THSD4: variants seen among roughly 807,000 people sequenced by gnomAD.
THSD4 encodes the protein thrombospondin type 1 domain containing 4, also known as thrombospondin type-1 domain-containing protein 4.
A neutral mutation model predicts 119.0 loss-of-function variants in THSD4; 69 were observed. The observed-to-expected ratio is 0.58, with a 90% confidence interval of 0.48 to 0.71. The LOEUF (loss-of-function observed/expected upper bound fraction) is 0.71, where lower values mean the gene tolerates loss of function less well. Among genes scored for constraint, THSD4 ranks in the 30% least tolerant of loss-of-function variants. The pLI is 0.00. For synonymous variants in THSD4, 524 were observed against 540.4 expected, an observed-to-expected ratio of 0.97 and a Z score of 0.42; for missense variants, 1,393 against 1,391.1, an observed-to-expected ratio of 1.00 and a Z score of -0.02.
At chr15:71,484,541 C>T (rs2047785448) in intron 7 of THSD4, among the ~76,000 whole-genome samples, 1 of 152,212 alleles carries the variant, frequency 6.6e-6, no homozygotes, top group Non-Finnish European at 1.5e-5. Context: ...CGTTATCAAC[C>T]TAAGCTCCTC....
chr15:71,682,173 T>C (rs908230051), intron 8 of THSD4, among the ~76,000 whole-genome samples: 2 of 152,238 alleles, frequency 1.3e-5, no homozygotes, highest in Non-Finnish European at 2.9e-5. Flanking sequence ...TTATCCCCTC[T>C]TCTCAAAGCA....
At chr15:71,522,996 A>C (rs2048464542) in intron 7 of THSD4, among the ~76,000 whole-genome samples, 1 of 152,176 alleles carries the variant, frequency 6.6e-6, no homozygotes, top group African/African-American at 2.4e-5. Flanking sequence ...CACCACAGTG[A>C]GGGTCCTGCT....
At position 71,258,243 on chromosome 15, in the gene THSD4, A is replaced by G. The variant is rs2044343608; in HGVS notation, c.1015+1528A>G. Among the ~76,000 whole-genome samples, 3 of 152,060 alleles carry G rather than the reference A, an allele frequency of 2.0e-5. No individual in the cohort carries two copies. The South Asian group carries it at 6.2e-4, about 32-fold the overall frequency. ...GCCCAGGCTGGAGTGCGGTGGCGTG[A>G]TCTCAGCTCACTGCAACCTCTGCCT... is the stretch of plus-strand genomic sequence containing the variant. On this transcript the variant is annotated intron_variant, in intron 6 of 17. Coordinates refer to ENST00000261862, the MANE Select transcript of THSD4 (RefSeq NM_024817.3).
intron 7 of THSD4, among the ~76,000 whole-genome samples, chr15:71,435,675 G>A (rs1225086268): frequency 6.6e-6 from 1 of 152,200 alleles, no homozygotes; most frequent in Non-Finnish European, 1.5e-5. Flanking sequence ...TAAGATAGCA[G>A]ATCTCTGTTG....
At chr15:71,324,504 G>A (rs111360905) in intron 6 of THSD4, among the ~76,000 whole-genome samples, 2,094 of 152,132 alleles carry the variant, frequency 0.014, 16 homozygotes, top group Middle Eastern at 0.024. Flanking sequence ...ATATCACTCT[G>A]TATGCCTTTG....
rs1248889388 is a variant in THSD4, at chr15:71,547,348, G to T, written c.1153-113182G>T. ...GGAATCCCGAGACACAAGTGCATCT[G>T]CTAGCTGTTAGCACTTGGCAGACGG... On this transcript the variant is annotated intron_variant, in intron 7 of 17. Coordinates refer to ENST00000261862, the MANE Select transcript of THSD4 (RefSeq NM_024817.3). 2.6e-6 allele frequency: 4 copies of T among 1,546,436 alleles called. No homozygotes were observed. In the Admixed American group the frequency reaches 7.9e-5, roughly 31 times the overall value.
intron 6 of THSD4, among the ~76,000 whole-genome samples, chr15:71,380,717 G>A (rs1457971150): frequency 6.6e-6 from 1 of 150,946 alleles, no homozygotes; most frequent in East Asian, 1.9e-4. Flanking sequence ...GACTCAAAGA[G>A]GTATCCATCT....
At chr15:71,134,591 C>A (rs2141364826) in intron 1 of THSD4, among the ~76,000 whole-genome samples, 1 of 152,376 alleles carries the variant, frequency 6.6e-6, no homozygotes, top group South Asian at 2.1e-4. Flanking sequence ...ATTTGTCCAA[C>A]TGTGATTGCA....
chr15:71,716,449 G>A (rs988414238), intron 8 of THSD4, among the ~76,000 whole-genome samples: 1 of 152,146 alleles, frequency 6.6e-6, no homozygotes, highest in African/African-American at 2.4e-5. Context: ...CCACACTACA[G>A]TGCAATCGTG....
At chr15:71,655,453 G>T (rs1166140391) in intron 7 of THSD4, among the ~76,000 whole-genome samples, 1 of 152,198 alleles carries the variant, frequency 6.6e-6, no homozygotes, top group Non-Finnish European at 1.5e-5. Flanking sequence ...GGTCCGGGTG[G>T]TTGTATGATG....
chr15:71,667,456 C>T (rs1188907536), intron 8 of THSD4, among the ~76,000 whole-genome samples: 1 of 152,136 alleles, frequency 6.6e-6, no homozygotes, highest in Non-Finnish European at 1.5e-5. Context: ...AAGACATGTA[C>T]CACCTGCCAA....
intron 6 of THSD4, among the ~76,000 whole-genome samples, chr15:71,291,807 A>G (rs1201814587): frequency 1.3e-5 from 2 of 152,182 alleles, no homozygotes; most frequent in African/African-American, 4.8e-5. Context: ...ACTCAAACAC[A>G]TAACCTACCA....
chr15:71,165,341 C>T lies in THSD4; in HGVS notation c.99+10409C>T, dbSNP rs949831870. The T allele has an allele frequency of 9.1e-6, 14 of 1,533,130 alleles. No individual in the cohort carries two copies. In the African/African-American group the frequency reaches 1.8e-4, roughly 20 times the overall value. The allele number at this position is 1,533,130 out of a possible 1,614,324, so 95.0% of individuals were successfully genotyped here. On this transcript the variant is annotated intron_variant, in intron 3 of 17. Coordinates refer to ENST00000261862, the MANE Select transcript of THSD4 (RefSeq NM_024817.3). ...AAGCATCTGGGTGCTTCTTCTTATG[C>T]TCCTCCCGACGTTTGCACAAAAAAT...
upstream of THSD4, chr15:71,111,394 G>A (rs771501755): frequency 6.2e-7 from 1 of 1,612,100 alleles, no homozygotes; most frequent in South Asian, 1.1e-5. Context: ...AAGGGCACAG[G>A]AACTCAGACT....
At chr15:71,394,481 C>T (rs111469583) in intron 6 of THSD4, among the ~76,000 whole-genome samples, 193 of 152,158 alleles carry the variant, frequency 1.3e-3, no homozygotes, top group African/African-American at 3.6e-3. Flanking sequence ...CCATGTTAGC[C>T]GGGATGGTCT....
rs1177912571 is a variant in THSD4, at chr15:71,736,156, GCTCTCTGT to G, written c.1631-1571_1631-1564del. ...CTCTTGCTCTCTCTCCGTCTCTCTT[GCTCTCTGT>G]CTCTGTCTCTCTCACACTCTGTCTC... is the stretch of plus-strand genomic sequence containing the variant. On this transcript the variant is annotated intron_variant, in intron 10 of 17. Transcript: ENST00000261862. 1.1e-4 allele frequency among the ~76,000 whole-genome samples: 9 copies of G among 80,246 alleles called. No individual in the cohort carries two copies. The East Asian group carries it at 4.7e-3, about 42-fold the overall frequency. The allele number at this position is 80,246 out of a possible 152,430, so 52.6% of individuals were successfully genotyped here.
chr15:71,174,324 G>A (rs1376021312), intron 3 of THSD4, among the ~76,000 whole-genome samples: 1 of 152,032 alleles, frequency 6.6e-6, no homozygotes, highest in Non-Finnish European at 1.5e-5. Flanking sequence ...GCCTCACCTG[G>A]GAAGCGCAAG....
chr15:71,400,990 G>A (rs539077652), intron 6 of THSD4, among the ~76,000 whole-genome samples: 6 of 152,084 alleles, frequency 3.9e-5, no homozygotes, highest in Non-Finnish European at 2.9e-5. Context: ...TCCTCTTTTC[G>A]TACCTGAGTT....
In THSD4 at chr15:71,283,128, C is replaced by G. The variant is rs981933665; in HGVS notation, c.1015+26413C>G. On this transcript the variant is annotated intron_variant, in intron 6 of 17. Transcript: ENST00000261862. ...GGGACTACAGGCGCGTGCCACCACACCCGGTTAATGTTTTGTATTTTTAGT... is the reference window on the plus strand; with the variant it reads ...GGGACTACAGGCGCGTGCCACCACAGCCGGTTAATGTTTTGTATTTTTAGT... Among the ~76,000 whole-genome samples the G allele has an allele frequency of 4.6e-5, 7 of 152,190 alleles. No homozygotes were observed. In the East Asian group the frequency reaches 1.2e-3, roughly 25 times the overall value.
Sources: allele counts gnomAD v4.1 joint callset (sites outside exome capture counted in the v4.1 genomes callset), GRCh38; gene constraint gnomAD v4.1.1; transcripts MANE v1.5; gene names NCBI Gene and HGNC (gene_info 2026-07-23, HGNC 2026-07-21).